The following SYCP1 variants were observed in gnomAD, a reference collection of about 807,000 sequenced individuals.
The protein encoded by SYCP1 is synaptonemal complex protein 1, also known as cancer/testis antigen 8.
SYCP1 carries 64 observed loss-of-function variants against 153.1 expected under a neutral mutation model. The observed-to-expected ratio is 0.42, with a 90% CI of 0.34 to 0.51. The LOEUF (loss-of-function observed/expected upper bound fraction) is 0.51. Ranked by LOEUF, SYCP1 falls within the 20% of genes least tolerant of loss-of-function variation. The pLI is 0.06. For missense variants in SYCP1, 997 were observed against 1,049.0 expected (o/e 0.95, Z 0.68); for synonymous variants, 384 against 341.8 (o/e 1.12, Z -1.36).
chr1:114,886,252 C>T lies in SYCP1; in HGVS notation c.1133C>T (p.Thr378Ile). Reference sequence around the variant, plus strand: ...AGAGCTGCTCATTCGTTTGTGGTTACTGAATTTGAAACTACTGTCTGCAGC... The same window carrying T: ...AGAGCTGCTCATTCGTTTGTGGTTATTGAATTTGAAACTACTGTCTGCAGC... ...KARAAHSFVV[T>I]EFETTVCSLE... Residue 378 changes from threonine (T) to isoleucine (I), a missense_variant, in exon 14 of 32, where the codon ACT becomes ATT. Thr to Ile is a moderately conservative substitution (Grantham distance 89, BLOSUM62 -1). Transcript: ENST00000369522. 1 of 1,606,402 alleles carries T rather than the reference C, an allele frequency of 6.2e-7. No homozygotes were observed. The highest frequency in any genetic ancestry group is 8.5e-7 in the Non-Finnish European group (1 of 1,176,630).
intron 28 of SYCP1, 174 bp downstream of exon 28, chr1:114,977,790 T>A: frequency 2.4e-6 from 1 of 422,600 alleles, no homozygotes; most frequent in Non-Finnish European, 4.1e-6. Context: ...GCTAAAAATT[T>A]CAAAATTTTG....
At chr1:114,895,642 G>T in intron 16 of SYCP1, 133 bp downstream of exon 16, 1 of 462,330 alleles carries the variant, frequency 2.2e-6, no homozygotes, top group Non-Finnish European at 3.6e-6. Flanking sequence ...ATTATATTTG[G>T]TTTTAAGTAA....
chr1:114,886,395 C>A, intron 14 of SYCP1, 86 bp downstream of exon 14: 1 of 1,157,100 alleles, frequency 8.6e-7, no homozygotes, highest in Non-Finnish European at 1.2e-6. Flanking sequence ...CTTTGCATTG[C>A]CAACTGATGT....
At chr1:114,894,603 A>G (rs1202804020) in intron 15 of SYCP1, among the ~76,000 whole-genome samples, 1 of 152,182 alleles carries the variant, frequency 6.6e-6, no homozygotes, top group Non-Finnish European at 1.5e-5. Context: ...TAGGATGGCA[A>G]GAAAGAAGGC....
At chr1:114,950,716 TG>T (rs1342731079) in intron 27 of SYCP1, among the ~76,000 whole-genome samples, 2 of 152,108 alleles carry the variant, frequency 1.3e-5, no homozygotes, top group African/African-American at 4.8e-5. Context: ...TGAATGTACA[TG>T]AGGACATAAA....
In SYCP1 at chr1:114,944,316, A is replaced by G. The variant is rs767728483; in HGVS notation, c.1927-23A>G. The G allele has an allele frequency of 5.4e-6, 7 of 1,307,018 alleles. No individual in the cohort carries two copies. The East Asian group carries it at 1.7e-4, about 31-fold the overall frequency. 81.0% of individuals were successfully genotyped at this position (1,307,018 alleles called of 1,614,324 possible). ...TAATCCATAGCATTTACTAATATTC[A>G]TGCTATTTTTCTTTACTTAAAGGTC... On this transcript the variant is annotated intron_variant, in intron 23 of 31. Transcript: ENST00000369522.
intron 27 of SYCP1, among the ~76,000 whole-genome samples, chr1:114,972,040 T>A (rs1289395838): frequency 1.3e-5 from 2 of 152,162 alleles, no homozygotes; most frequent in Admixed American, 1.3e-4. Context: ...GTAAAGCCAT[T>A]GGGTCCTAGG....
intron 27 of SYCP1, among the ~76,000 whole-genome samples, chr1:114,964,340 G>A (rs1310331550): frequency 6.6e-6 from 1 of 152,172 alleles, no homozygotes; most frequent in African/African-American, 2.4e-5. Context: ...TCACTCTGAT[G>A]ATAGTTTCTT....
At chr1:114,970,144 T>G (rs1013149568) in intron 27 of SYCP1, among the ~76,000 whole-genome samples, 2 of 152,224 alleles carry the variant, frequency 1.3e-5, no homozygotes, top group Non-Finnish European at 1.5e-5. Flanking sequence ...TGGATTGGAT[T>G]AATTTGAAAG....
intron 5 of SYCP1, 85 bp downstream of exon 5, chr1:114,857,582 A>G (rs1051100775): frequency 1.3e-5 from 13 of 987,174 alleles, no homozygotes; most frequent in African/African-American, 6.7e-5. Context: ...TGAAGCTTCA[A>G]AAGGATTATT....
chr1:114,926,083 G>A (rs1283555938), intron 21 of SYCP1, among the ~76,000 whole-genome samples, 195 bp from the exon 22 acceptor site: 1 of 151,972 alleles, frequency 6.6e-6, no homozygotes, highest in Admixed American at 6.6e-5. Context: ...AAGTTGCAGT[G>A]AGCTATGATT....
chr1:114,883,556 A>C (rs1451231394), intron 12 of SYCP1, among the ~76,000 whole-genome samples: 2 of 152,230 alleles, frequency 1.3e-5, no homozygotes, highest in African/African-American at 4.8e-5. Flanking sequence ...ACTTAGGAGC[A>C]CTTCAAATTA....
intron 16 of SYCP1, among the ~76,000 whole-genome samples, chr1:114,902,919 C>T (rs975017067): frequency 2.0e-5 from 3 of 152,128 alleles, no homozygotes; most frequent in Non-Finnish European, 4.4e-5. Context: ...CTGGCTCACA[C>T]CTGTAATCTC....
At chr1:114,901,512 G>T (rs1255606796) in intron 16 of SYCP1, among the ~76,000 whole-genome samples, 2 of 152,088 alleles carry the variant, frequency 1.3e-5, no homozygotes, top group Non-Finnish European at 2.9e-5. Context: ...AGCAGCAAAA[G>T]GTTATGCAGA....
At chr1:114,859,006 A>G (rs1022676940) in intron 6 of SYCP1, among the ~76,000 whole-genome samples, 25 of 152,152 alleles carry the variant, frequency 1.6e-4, no homozygotes, top group African/African-American at 5.8e-4. Flanking sequence ...TTTTATTCCT[A>G]TTGATGTTTT....
intron 26 of SYCP1, 50 bp downstream of exon 26, chr1:114,946,431 A>G (rs749280856): frequency 8.8e-7 from 1 of 1,133,300 alleles, no homozygotes; most frequent in South Asian, 1.4e-5. Flanking sequence ...TAATGTCAGC[A>G]GTGACTGGTG....
chr1:114,858,490 G>A (rs1213452491), intron 5 of SYCP1, 57 bp from the exon 6 acceptor site: 3 of 1,424,296 alleles, frequency 2.1e-6, no homozygotes, highest in East Asian at 2.3e-5. Context: ...GTAGGCAGCT[G>A]TAGTTTGGTT....
rs1240774306 is a variant in SYCP1, at chr1:114,951,267, A to AAAAAAC, written c.2322+3955_2322+3960dup. On this transcript the variant is annotated intron_variant, in intron 27 of 31. Coordinates refer to ENST00000369522, the MANE Select transcript of SYCP1 (RefSeq NM_003176.4). ...TATCACTTCATATGGCTCCTTTATG[A>AAAAAAC]AAAAACAAAAACATAAACAAAAAGA... 9.0e-4 allele frequency among the ~76,000 whole-genome samples: 137 copies of AAAAAAC among 152,324 alleles called. 1 individual carries two copies. The highest frequency in any genetic ancestry group is 3.2e-3 in the African/African-American group (133 of 41,580).
At chr1:114,970,389 G>A (rs1247055942) in intron 27 of SYCP1, among the ~76,000 whole-genome samples, 1 of 151,302 alleles carries the variant, frequency 6.6e-6, no homozygotes, top group African/African-American at 2.4e-5. Context: ...CTTAATAATC[G>A]ACCTTCTGAA....
Sources: gnomAD v4.1 joint callset for allele counts (sites outside exome capture counted in the v4.1 genomes callset) on GRCh38, gnomAD v4.1.1 for gene constraint, MANE v1.5 for transcripts, NCBI Gene and HGNC (gene_info 2026-07-23, HGNC 2026-07-21) for gene names.